The following ZNF236 variants were observed in gnomAD, a reference collection of about 807,000 sequenced individuals.
The protein encoded by ZNF236 is zinc finger protein 236, also known as regulated by glucose.
ZNF236 carries 50 observed loss-of-function variants against 191.2 expected under a neutral mutation model. The observed-to-expected ratio is 0.26, with a 90% CI of 0.21 to 0.33. The LOEUF (loss-of-function observed/expected upper bound fraction) is 0.33. Ranked by LOEUF, ZNF236 falls within the 10% of genes least tolerant of loss-of-function variation. ZNF236 has a pLI of 1.00. For synonymous variants in ZNF236, 907 were observed against 928.8 expected (o/e 0.98, Z 0.43); for missense variants, 1,754 against 2,374.5 (o/e 0.74, Z 5.43).
chr18:76,894,194 T>C (rs1568216392), intron 9 of ZNF236, among the ~76,000 whole-genome samples: 2 of 152,232 alleles, frequency 1.3e-5, no homozygotes, highest in East Asian at 1.9e-4. Context: ...CCCAAAAATA[T>C]TAAATGGAAA....
At chr18:76,843,563 G>A (rs1175983730) in intron 1 of ZNF236, among the ~76,000 whole-genome samples, 3 of 145,076 alleles carry the variant, frequency 2.1e-5, no homozygotes, top group African/African-American at 7.7e-5. Context: ...GGATCACGAG[G>A]TCAGGAGTTC....
At chr18:76,850,865 A>G (rs1975841000) in intron 2 of ZNF236, among the ~76,000 whole-genome samples, 1 of 151,706 alleles carries the variant, frequency 6.6e-6, no homozygotes, top group African/African-American at 2.4e-5. Flanking sequence ...CAGCCTCCCA[A>G]AGTGCTGGGA....
Position 76,870,916 on chromosome 18 carries a change from A to G in ZNF236, c.543-785A>G, listed in dbSNP as rs146139709. Among the ~76,000 whole-genome samples the G allele has an allele frequency of 7.8e-3, 1,192 of 152,152 alleles. 6 individuals are homozygous for G. The highest frequency in any genetic ancestry group is 0.013 in the Non-Finnish European group (866 of 67,992). On this transcript the variant is annotated intron_variant, in intron 4 of 30. Coordinates refer to ENST00000320610, the MANE Select transcript of ZNF236 (RefSeq NM_001306089.2). ...GGTTTTGCACAAAGGGAATGGTGTG[A>G]CCAGACTTTCGGGTGGCACTGGGCC...
At chr18:76,937,579 C>G (rs1038286923) in intron 26 of ZNF236, among the ~76,000 whole-genome samples, 2 of 151,938 alleles carry the variant, frequency 1.3e-5, no homozygotes, top group African/African-American at 4.8e-5. Context: ...TCCCACCACC[C>G]AAATGGAACC....
chr18:76,836,651 C>T (rs943413914), intron 1 of ZNF236, among the ~76,000 whole-genome samples: 2 of 151,954 alleles, frequency 1.3e-5, no homozygotes, highest in Non-Finnish European at 2.9e-5. Flanking sequence ...GATCTCGGCT[C>T]ACTGCAAGCT....
intron 6 of ZNF236, among the ~76,000 whole-genome samples, chr18:76,876,344 C>T (rs1363729564): frequency 1.3e-5 from 2 of 152,164 alleles, no homozygotes; most frequent in Non-Finnish European, 2.9e-5. Context: ...ATCAGTATAT[C>T]CTATGGAATG....
intron 26 of ZNF236, among the ~76,000 whole-genome samples, chr18:76,938,129 C>T (rs1189727533): frequency 6.6e-6 from 1 of 152,140 alleles, no homozygotes; most frequent in East Asian, 1.9e-4. Flanking sequence ...GTGGCTCCTG[C>T]CTGTAATCCC....
chr18:76,827,302 C>G lies in ZNF236; in HGVS notation c.55+4640C>G, dbSNP rs1975046165. Among the ~76,000 whole-genome samples the G allele has an allele frequency of 2.0e-5, 3 of 152,336 alleles. No homozygotes were observed. In the South Asian group the frequency reaches 6.2e-4, roughly 32 times the overall value. ...CTGGGTTCAAGTGATTCTCCTGCCT[C>G]AGCCTCCTGAGTAGATGGGACTACA... is the stretch of plus-strand genomic sequence containing the variant. On this transcript the variant is annotated intron_variant, in intron 1 of 30. Transcript: ENST00000320610.
chr18:76,906,073 A>T (rs1280065688), intron 13 of ZNF236, among the ~76,000 whole-genome samples: 1 of 152,194 alleles, frequency 6.6e-6, no homozygotes, highest in Non-Finnish European at 1.5e-5. Flanking sequence ...CACTAGGCCT[A>T]AAGCTGCTGC....
intron 30 of ZNF236, among the ~76,000 whole-genome samples, chr18:76,966,983 A>G (rs1173323271): frequency 1.3e-5 from 2 of 152,010 alleles, no homozygotes; most frequent in African/African-American, 4.8e-5. Context: ...GCTCTGTGAG[A>G]TCTGTGGTTT....
At chr18:76,837,751 T>G (rs1975379667) in intron 1 of ZNF236, among the ~76,000 whole-genome samples, 1 of 152,208 alleles carries the variant, frequency 6.6e-6, no homozygotes, top group Non-Finnish European at 1.5e-5. Flanking sequence ...TTGAATTCAG[T>G]TTTTAACCTT....
chr18:76,882,293 G>A, intron 9 of ZNF236, among the ~76,000 whole-genome samples: 1 of 152,172 alleles, frequency 6.6e-6, no homozygotes, highest in East Asian at 1.9e-4. Context: ...CTCGTGGATG[G>A]ACTCTGAGGG....
intron 1 of ZNF236, among the ~76,000 whole-genome samples, chr18:76,847,069 A>G (rs1367727155): frequency 1.3e-5 from 2 of 152,182 alleles, no homozygotes; most frequent in Non-Finnish European, 2.9e-5. Context: ...TTGGAATTAC[A>G]GGCATGAGCC....
intron 3 of ZNF236, among the ~76,000 whole-genome samples, chr18:76,865,291 C>A (rs1420225171): frequency 6.6e-6 from 1 of 152,042 alleles, no homozygotes; most frequent in Non-Finnish European, 1.5e-5. Flanking sequence ...GAGCTGAGAT[C>A]ATGCCATTGC....
chr18:76,850,759 T>C (rs1444376721), intron 2 of ZNF236, among the ~76,000 whole-genome samples: 1 of 151,956 alleles, frequency 6.6e-6, no homozygotes, highest in African/African-American at 2.4e-5. Flanking sequence ...TGCACCACCA[T>C]GCCTGGCTCA....
At chr18:76,903,997 G>A (rs775802172) in intron 11 of ZNF236, among the ~76,000 whole-genome samples, 2 of 149,340 alleles carry the variant, frequency 1.3e-5, no homozygotes, top group African/African-American at 2.5e-5. Flanking sequence ...ACATAGTTAT[G>A]TAGACTCCAT....
intron 1 of ZNF236, among the ~76,000 whole-genome samples, chr18:76,839,915 A>G (rs190490389): frequency 1.0e-3 from 155 of 152,346 alleles, no homozygotes; most frequent in African/African-American, 2.6e-3. Flanking sequence ...TGCACTGTCA[A>G]TGGAAGCACT....
chr18:76,872,209 G>A (rs185278428), intron 5 of ZNF236, among the ~76,000 whole-genome samples: 1 of 152,318 alleles, frequency 6.6e-6, no homozygotes, highest in African/African-American at 2.4e-5. Flanking sequence ...GACCGGATGT[G>A]GTGGCTTACA....
intron 25 of ZNF236, chr18:76,936,345 A>G (rs765607443): frequency 2.8e-5 from 13 of 456,484 alleles, no homozygotes; most frequent in South Asian, 2.0e-4. Flanking sequence ...TATACTTTCA[A>G]CGTTGTGTTC....
Sources: gnomAD v4.1 joint callset for allele counts (sites outside exome capture counted in the v4.1 genomes callset) on GRCh38, gnomAD v4.1.1 for gene constraint, MANE v1.5 for transcripts, NCBI Gene and HGNC (gene_info 2026-07-23, HGNC 2026-07-21) for gene names.